ADAMTSL1: variants seen among roughly 807,000 people sequenced by gnomAD.
ADAMTSL1 encodes the protein ADAMTS-like protein 1.
ADAMTSL1 carries 126 observed loss-of-function variants against 201.8 expected under a neutral mutation model. The ratio of observed to expected loss-of-function variants is 0.62; its 90% CI spans 0.54 to 0.72. The LOEUF is 0.72. ADAMTSL1 is among the 30% of genes least tolerant of loss of function. The pLI is 0.00. For missense variants in ADAMTSL1, 2,679 were observed against 2,277.8 expected (o/e 1.18, Z -3.59); for synonymous variants, 1,121 against 903.4 (o/e 1.24, Z -4.32).
intron 1 of ADAMTSL1, among the ~76,000 whole-genome samples, chr9:18,021,871 A>G (rs1820492524): frequency 6.6e-6 from 1 of 152,122 alleles, no homozygotes; most frequent in African/African-American, 2.4e-5. Context: ...ATATCTGACA[A>G]ACTGTAATCA....
intron 2 of ADAMTSL1, among the ~76,000 whole-genome samples, chr9:18,509,878 T>C (rs921256151): frequency 6.6e-6 from 1 of 152,252 alleles, no homozygotes; most frequent in Admixed American, 6.5e-5. Context: ...TACTCATTTG[T>C]AATGGGATAA....
chr9:17,991,336 AT>A (rs748267568), intron 1 of ADAMTSL1, among the ~76,000 whole-genome samples: 5 of 152,098 alleles, frequency 3.3e-5, no homozygotes, highest in Non-Finnish European at 7.4e-5. Context: ...GAAAAAGAAC[AT>A]TTTTATCAAA....
intron 1 of ADAMTSL1, among the ~76,000 whole-genome samples, chr9:18,482,700 T>G (rs1437931519): frequency 3.9e-5 from 6 of 152,240 alleles, no homozygotes; most frequent in Non-Finnish European, 8.8e-5. Context: ...CCTCCTTTGC[T>G]GGCTGTAATC....
chr9:18,542,030 C>T (rs1484861638), intron 3 of ADAMTSL1, among the ~76,000 whole-genome samples: 1 of 152,168 alleles, frequency 6.6e-6, no homozygotes. Flanking sequence ...CATCCCAAGG[C>T]ATTGAAGGAC....
At chr9:18,332,254 T>C (rs1383968665) in intron 2 of ADAMTSL1, among the ~76,000 whole-genome samples, 1 of 152,224 alleles carries the variant, frequency 6.6e-6, no homozygotes, top group Non-Finnish European at 1.5e-5. Context: ...ACACTTTATG[T>C]ACTATTTGAG....
At chr9:18,121,323 C>A (rs898209292) in intron 1 of ADAMTSL1, among the ~76,000 whole-genome samples, 1 of 152,100 alleles carries the variant, frequency 6.6e-6, no homozygotes, top group African/African-American at 2.4e-5. Context: ...GACAGTTACA[C>A]CGACAAAAAA....
chr9:17,967,359 A>G (rs1818015905), intron 1 of ADAMTSL1, among the ~76,000 whole-genome samples: 1 of 152,060 alleles, frequency 6.6e-6, no homozygotes, highest in African/African-American at 2.4e-5. Flanking sequence ...TGCCAATTCA[A>G]TTTGCCATGA....
At chr9:18,564,155 G>A (rs1418020089) in intron 3 of ADAMTSL1, among the ~76,000 whole-genome samples, 1 of 152,202 alleles carries the variant, frequency 6.6e-6, no homozygotes, top group Non-Finnish European at 1.5e-5. Flanking sequence ...GCACCTGAGA[G>A]AATATCCTGG....
intron 2 of ADAMTSL1, among the ~76,000 whole-genome samples, chr9:18,260,270 A>T (rs1831864544): frequency 6.6e-6 from 1 of 152,240 alleles, no homozygotes; most frequent in Non-Finnish European, 1.5e-5. Flanking sequence ...CACAGCTCAG[A>T]GCAAGCATGC....
chr9:18,810,230 A>G (rs1460243470), intron 20 of ADAMTSL1, among the ~76,000 whole-genome samples: 2 of 152,208 alleles, frequency 1.3e-5, no homozygotes, highest in African/African-American at 2.4e-5. Flanking sequence ...TATAAGTTGT[A>G]TAAGGAAAAA....
chr9:18,325,740 CTTTG>C (rs1379390272), intron 2 of ADAMTSL1, among the ~76,000 whole-genome samples: 2 of 148,788 alleles, frequency 1.3e-5, no homozygotes, highest in Admixed American at 6.6e-5. Flanking sequence ...TTAAAAGGAC[CTTTG>C]TTTTTTTTTT....
Position 18,125,608 on chromosome 9 carries a change from G to A in ADAMTSL1, c.88-38254G>A, listed in dbSNP as rs182166766. 6.6e-5 allele frequency among the ~76,000 whole-genome samples: 10 copies of A among 152,172 alleles called. No homozygotes were observed. The East Asian group carries it at 1.5e-3, about 24-fold the overall frequency. The stretch of plus-strand genomic sequence containing the variant: ...TTTTGAGTTACATTTTCTGCATGGC[G>A]AGATAAGGGTCCAACTTAATTCTTT... On this transcript the variant is annotated intron_variant, in intron 1 of 29. Coordinates refer to the ADAMTSL1 transcript ENST00000680146.
At chr9:18,003,915 G>A (rs1319480810) in intron 1 of ADAMTSL1, among the ~76,000 whole-genome samples, 2 of 151,952 alleles carry the variant, frequency 1.3e-5, no homozygotes, top group African/African-American at 4.8e-5. Context: ...CATTCAAATC[G>A]TTTTCCCACT....
chr9:18,406,386 T>A (rs768797379), intron 2 of ADAMTSL1, among the ~76,000 whole-genome samples: 2 of 150,512 alleles, frequency 1.3e-5, no homozygotes, highest in Non-Finnish European at 3.0e-5. Context: ...TGGAGTGCGG[T>A]GGCATGATCT....
intron 3 of ADAMTSL1, among the ~76,000 whole-genome samples, chr9:18,548,668 T>C (rs965623374): frequency 6.6e-6 from 1 of 152,140 alleles, no homozygotes; most frequent in African/African-American, 2.4e-5. Context: ...ATTCAGCATT[T>C]ATGGTGATTT....
chr9:18,509,975 G>C (rs1473685834), intron 2 of ADAMTSL1, among the ~76,000 whole-genome samples: 1 of 152,100 alleles, frequency 6.6e-6, no homozygotes, highest in East Asian at 1.9e-4. Flanking sequence ...TTCCCAATAG[G>C]GAAAGATCAG....
At chr9:18,249,476 T>C (rs977147214) in intron 2 of ADAMTSL1, among the ~76,000 whole-genome samples, 1 of 152,170 alleles carries the variant, frequency 6.6e-6, no homozygotes, top group Non-Finnish European at 1.5e-5. Context: ...GAGAGGGACG[T>C]TGCAAACACC....
chr9:18,450,031 CA>C (rs949259812), intron 2 of ADAMTSL1, among the ~76,000 whole-genome samples: 1 of 152,080 alleles, frequency 6.6e-6, no homozygotes, highest in Non-Finnish European at 1.5e-5. Flanking sequence ...GGTATTTATA[CA>C]AGAGAATGAA....
At chr9:18,113,901 G>T (rs76810106) in intron 1 of ADAMTSL1, among the ~76,000 whole-genome samples, 3,418 of 152,186 alleles carry the variant, frequency 0.022, 112 homozygotes, top group African/African-American at 0.075. Context: ...ACAGAAAAGT[G>T]AAACAACTTT....
Sources: gnomAD v4.1 joint callset for allele counts (sites outside exome capture counted in the v4.1 genomes callset) on GRCh38, gnomAD v4.1.1 for gene constraint, MANE v1.5 for transcripts, NCBI Gene and HGNC (gene_info 2026-07-23, HGNC 2026-07-21) for gene names.